The following PLXNA4 variants were observed in gnomAD, a reference collection of about 807,000 sequenced individuals.
PLXNA4 encodes the protein plexin A4, also known as plexin-A4.
A neutral mutation model predicts 191.8 loss-of-function variants in PLXNA4; 44 were observed. The ratio of observed to expected loss-of-function variants is 0.23; its 90% CI spans 0.18 to 0.29. PLXNA4 has a LOEUF of 0.29. PLXNA4 is among the 10% of genes least tolerant of loss of function. The probability of loss-of-function intolerance (pLI) is 1.00; values close to 1 mark genes in which losing one functional copy is unlikely to be tolerated. For synonymous variants in PLXNA4, 1,082 were observed against 1,009.5 expected (o/e 1.07, Z -1.36); for missense variants, 1,800 against 2,488.8 (o/e 0.72, Z 5.89).
At chr7:132,182,694 C>T (rs1222041019) in intron 16 of PLXNA4, among the ~76,000 whole-genome samples, 3 of 152,154 alleles carry the variant, frequency 2.0e-5, no homozygotes, top group Non-Finnish European at 2.9e-5. Flanking sequence ...TTGGAGGCTT[C>T]GATCAGGCTG....
At chr7:132,196,093 G>A (rs1797246536) in intron 13 of PLXNA4, among the ~76,000 whole-genome samples, 1 of 152,206 alleles carries the variant, frequency 6.6e-6, no homozygotes, top group South Asian at 2.1e-4. Context: ...CATTCAGAAT[G>A]TAATTTTCCA....
In PLXNA4 at chr7:132,163,256, G is replaced by A. The variant is rs534310438; in HGVS notation, c.4500+886C>T. ...AAAGGACAGTGAGCAGCGAGTGGAC[G>A]CACGGTGACAGTGGGGAGAGGCAAG... On this transcript the variant is annotated intron_variant, in intron 24 of 31. Transcript: ENST00000321063. Among the ~76,000 whole-genome samples, 146 of 152,326 alleles carry A rather than the reference G, an allele frequency of 9.6e-4. 4 individuals are homozygous for A. The South Asian group carries it at 0.029, about 30-fold the overall frequency.
chr7:132,413,755 G>A (rs1585103573), intron 3 of PLXNA4, among the ~76,000 whole-genome samples: 1 of 152,116 alleles, frequency 6.6e-6, no homozygotes, highest in African/African-American at 2.4e-5. Context: ...TACTTGTGAT[G>A]TACCTGGAAA....
intron 25 of PLXNA4, among the ~76,000 whole-genome samples, chr7:132,151,529 A>AGGG (rs1795636992): frequency 8.4e-5 from 5 of 59,618 alleles, no homozygotes; most frequent in Non-Finnish European, 1.5e-4. Context: ...GAGGAGGAGA[A>AGGG]AGGAGGAGGA....
At chr7:132,561,625 C>T (rs1247075797) in intron 1 of PLXNA4, among the ~76,000 whole-genome samples, 18 of 129,516 alleles carry the variant, frequency 1.4e-4, no homozygotes, top group Admixed American at 2.3e-4. Context: ...TCCTCCTCCT[C>T]TTCCTCCTCC....
chr7:132,646,824 C>A (rs1803878356), intron 1 of PLXNA4, among the ~76,000 whole-genome samples: 1 of 152,144 alleles, frequency 6.6e-6, no homozygotes, highest in African/African-American at 2.4e-5. Context: ...CACAGTCTCA[C>A]AGACACACGG....
chr7:132,327,497 G>T (rs964785234), intron 3 of PLXNA4, among the ~76,000 whole-genome samples: 2 of 152,142 alleles, frequency 1.3e-5, no homozygotes, highest in African/African-American at 2.4e-5. Context: ...GAAGTGGCAG[G>T]TTCTTCCAGA....
intron 2 of PLXNA4, among the ~76,000 whole-genome samples, chr7:132,597,972 A>C (rs1418478458): frequency 6.6e-6 from 1 of 152,038 alleles, no homozygotes. Flanking sequence ...CCCAGATTGC[A>C]CCTGGGTGCA....
At chr7:132,358,290 G>A (rs928089132) in intron 3 of PLXNA4, among the ~76,000 whole-genome samples, 7 of 152,186 alleles carry the variant, frequency 4.6e-5, no homozygotes, top group Admixed American at 6.5e-5. Flanking sequence ...ATCTGAAACC[G>A]GGGTTGGGTG....
chr7:132,562,235 ACTC>A (rs199803155), intron 1 of PLXNA4, among the ~76,000 whole-genome samples: 1 of 32,782 alleles, frequency 3.1e-5, no homozygotes, highest in Non-Finnish European at 5.8e-5. Flanking sequence ...TCTTTCTCCT[ACTC>A]CTCCTTCTCC....
intron 3 of PLXNA4, among the ~76,000 whole-genome samples, chr7:132,458,293 GC>G (rs746622458): frequency 2.6e-5 from 4 of 151,842 alleles, no homozygotes; most frequent in Non-Finnish European, 5.9e-5. Flanking sequence ...CCATGACCTA[GC>G]AATTTCACTC....
At chr7:132,427,571 G>C (rs1433615146) in intron 3 of PLXNA4, among the ~76,000 whole-genome samples, 1 of 152,184 alleles carries the variant, frequency 6.6e-6, no homozygotes, top group Non-Finnish European at 1.5e-5. Flanking sequence ...TCCTCTAAGC[G>C]AGTAGTACAG....
intron 1 of PLXNA4, among the ~76,000 whole-genome samples, chr7:132,558,620 A>T (rs933391520): frequency 1.3e-5 from 2 of 152,198 alleles, no homozygotes; most frequent in African/African-American, 4.8e-5. Context: ...ACTTCATGCA[A>T]TTGGGCCTGG....
intron 3 of PLXNA4, among the ~76,000 whole-genome samples, chr7:132,365,120 C>T (rs1364595752): frequency 1.3e-5 from 2 of 152,078 alleles, no homozygotes; most frequent in African/African-American, 4.8e-5. Flanking sequence ...TGGCTTCTCA[C>T]CAAATTTGAA....
At chr7:132,519,242 G>A (rs964880960) in intron 1 of PLXNA4, among the ~76,000 whole-genome samples, 14 of 152,252 alleles carry the variant, frequency 9.2e-5, no homozygotes, top group Non-Finnish European at 1.5e-5. Flanking sequence ...AAATGGCACA[G>A]GCTGGCACCT....
intron 3 of PLXNA4, among the ~76,000 whole-genome samples, chr7:132,469,029 G>T (rs1170241733): frequency 6.9e-6 from 1 of 145,010 alleles, no homozygotes; most frequent in Non-Finnish European, 1.5e-5. Flanking sequence ...CCTCTCCAGA[G>T]CCTCAGTCTC....
intron 2 of PLXNA4, among the ~76,000 whole-genome samples, chr7:132,644,087 G>T (rs1348817735): frequency 1.3e-5 from 2 of 152,130 alleles, no homozygotes; most frequent in African/African-American, 4.8e-5. Flanking sequence ...TATTACCGTG[G>T]GTTGCAGCCA....
intron 30 of PLXNA4, among the ~76,000 whole-genome samples, chr7:132,137,231 C>T (rs1241069451): frequency 6.6e-6 from 1 of 152,084 alleles, no homozygotes; most frequent in Non-Finnish European, 1.5e-5. Context: ...AACCTTTTTT[C>T]ATGCCGTGAC....
At chr7:132,216,642 C>T (rs1008774387) in intron 9 of PLXNA4, among the ~76,000 whole-genome samples, 10 of 152,148 alleles carry the variant, frequency 6.6e-5, no homozygotes, top group Non-Finnish European at 1.0e-4. Flanking sequence ...ACATATTTTC[C>T]ATGTGCTATA....
Sources: gnomAD v4.1 joint callset for allele counts (sites outside exome capture counted in the v4.1 genomes callset) on GRCh38, gnomAD v4.1.1 for gene constraint, MANE v1.5 for transcripts, NCBI Gene and HGNC (gene_info 2026-07-23, HGNC 2026-07-21) for gene names.